Variants in CCSER1 observed in about 807,000 individuals in gnomAD.
The protein encoded by CCSER1 is serine-rich coiled-coil domain-containing protein 1.
Under a neutral mutation model 82.0 loss-of-function variants are expected in CCSER1, and 41 were observed. The observed-to-expected ratio is 0.50, with a 90% CI of 0.39 to 0.65. The LOEUF (loss-of-function observed/expected upper bound fraction) is 0.65. CCSER1 is among the 30% of genes least tolerant of loss of function. The probability of loss-of-function intolerance (pLI) is 0.00; values close to 1 mark genes in which losing one functional copy is unlikely to be tolerated. For synonymous variants in CCSER1, 414 were observed against 383.9 expected (o/e 1.08, Z -0.92); for missense variants, 1,119 against 1,064.2 (o/e 1.05, Z -0.72).
intron 10 of CCSER1, among the ~76,000 whole-genome samples, chr4:91,236,904 C>T (rs1739052564): frequency 6.6e-6 from 1 of 152,174 alleles, no homozygotes; most frequent in Non-Finnish European, 1.5e-5. Context: ...AGATAATCAG[C>T]TGTACCTTTT....
At chr4:91,350,085 C>T (rs1560604717) in intron 10 of CCSER1, among the ~76,000 whole-genome samples, 5 of 152,026 alleles carry the variant, frequency 3.3e-5, no homozygotes, top group Non-Finnish European at 7.4e-5. Context: ...TTCTTACATG[C>T]CATATTGGAA....
chr4:90,420,818 C>T (rs1446884471), intron 4 of CCSER1, among the ~76,000 whole-genome samples: 3 of 151,994 alleles, frequency 2.0e-5, no homozygotes, highest in African/African-American at 7.2e-5. Context: ...AGTCAATGGC[C>T]CAAGTTCATT....
intron 10 of CCSER1, among the ~76,000 whole-genome samples, chr4:91,513,613 G>GT (rs1759945730): frequency 6.6e-6 from 1 of 152,122 alleles, no homozygotes; most frequent in East Asian, 1.9e-4. Context: ...TGGTTGGTAG[G>GT]TTTTTTATCA....
intron 10 of CCSER1, among the ~76,000 whole-genome samples, chr4:91,223,430 G>C (rs1737909749): frequency 6.6e-6 from 1 of 152,040 alleles, no homozygotes; most frequent in Non-Finnish European, 1.5e-5. Context: ...AGGTACATAA[G>C]TATAATAAAG....
intron 9 of CCSER1, among the ~76,000 whole-genome samples, chr4:90,961,916 A>G (rs1176032511): frequency 6.6e-6 from 1 of 152,126 alleles, no homozygotes; most frequent in African/African-American, 2.4e-5. Flanking sequence ...GATGGCACCA[A>G]CAGAAAATGA....
At position 91,347,506 on chromosome 4, in the gene CCSER1, T is replaced by G. The variant is rs140701373; in HGVS notation, c.2218-251066T>G. 2.8e-3 allele frequency among the ~76,000 whole-genome samples: 423 copies of G among 152,116 alleles called. 2 individuals carry two copies. Among genetic ancestry groups the G allele is most frequent in the African/African-American group, 1.0e-2 (414 of 41,518 alleles). On this transcript the variant is annotated intron_variant, in intron 10 of 10. Transcript: ENST00000509176. Reference sequence around the variant, plus strand: ...TTATTTTTTTTTTGCATCCACAAAATGACTCACTGAGATTTCGGCTGGGAT... The same window carrying G: ...TTATTTTTTTTTTGCATCCACAAAAGGACTCACTGAGATTTCGGCTGGGAT...
chr4:91,463,916 T>C (rs4632613), intron 10 of CCSER1, among the ~76,000 whole-genome samples: 121,932 of 152,120 alleles, frequency 0.8, 49,056 homozygotes, highest in East Asian at 0.93. Flanking sequence ...TGGAACCAAG[T>C]TGGCAAACAC....
chr4:90,847,007 T>C (rs1175234657), intron 8 of CCSER1, among the ~76,000 whole-genome samples: 1 of 152,214 alleles, frequency 6.6e-6, no homozygotes, highest in East Asian at 1.9e-4. Context: ...TTCTTTACAA[T>C]GGGGTGTCTT....
At chr4:90,761,139 C>T (rs1022308281) in intron 7 of CCSER1, among the ~76,000 whole-genome samples, 10 of 152,012 alleles carry the variant, frequency 6.6e-5, no homozygotes, top group Admixed American at 1.3e-4. Flanking sequence ...GCTGAATAAA[C>T]GGTAGATGAT....
At chr4:91,402,860 A>T (rs1752431625) in intron 10 of CCSER1, among the ~76,000 whole-genome samples, 1 of 152,096 alleles carries the variant, frequency 6.6e-6, no homozygotes, top group African/African-American at 2.4e-5. Context: ...TTTGCTTAGG[A>T]TTGTCTTGGC....
chr4:91,112,117 A>T (rs1726147022), intron 10 of CCSER1, among the ~76,000 whole-genome samples: 1 of 152,094 alleles, frequency 6.6e-6, no homozygotes, highest in Non-Finnish European at 1.5e-5. Context: ...TATTGCTGAG[A>T]TATTCCTATC....
At chr4:90,193,628 C>T (rs1053060679) in intron 1 of CCSER1, among the ~76,000 whole-genome samples, 1 of 151,426 alleles carries the variant, frequency 6.6e-6, no homozygotes, top group African/African-American at 2.4e-5. Context: ...CCTTTGGATG[C>T]AAACTGAGAA....
intron 4 of CCSER1, among the ~76,000 whole-genome samples, chr4:90,458,350 C>A (rs1762446062): frequency 1.3e-5 from 2 of 151,336 alleles, no homozygotes; most frequent in African/African-American, 4.9e-5. Flanking sequence ...ATAGAGTCTG[C>A]CACAATAAGT....
chr4:91,017,704 A>G (rs944774932), intron 9 of CCSER1, among the ~76,000 whole-genome samples: 3 of 152,258 alleles, frequency 2.0e-5, no homozygotes, highest in East Asian at 1.9e-4. Context: ...GAGGGCTTCA[A>G]TGAAATAACT....
At chr4:90,483,809 T>C (rs1464332009) in intron 5 of CCSER1, among the ~76,000 whole-genome samples, 1 of 152,206 alleles carries the variant, frequency 6.6e-6, no homozygotes, top group Non-Finnish European at 1.5e-5. Context: ...CTTAACATTT[T>C]TTCCTTCATT....
At chr4:90,693,903 A>G (rs971761918) in intron 6 of CCSER1, among the ~76,000 whole-genome samples, 3 of 147,474 alleles carry the variant, frequency 2.0e-5, no homozygotes, top group African/African-American at 4.8e-5. Context: ...AGAGAAAGAA[A>G]GAAGAAAGAG....
Position 91,583,502 on chromosome 4 carries a change from A to G in CCSER1, c.2218-15070A>G, listed in dbSNP as rs112890057. On this transcript the variant is annotated intron_variant, in intron 10 of 10. Transcript: ENST00000509176. Reference sequence around the variant, plus strand: ...ATGGTGCTAATTATGATATGTTCTGAGTTAAAACAAGGTGTACTACTCTAA... The same window carrying G: ...ATGGTGCTAATTATGATATGTTCTGGGTTAAAACAAGGTGTACTACTCTAA... Among the ~76,000 whole-genome samples, 857 of 151,476 alleles carry G rather than the reference A, an allele frequency of 5.7e-3. 9 individuals carry two copies. Among genetic ancestry groups the G allele is most frequent in the African/African-American group, 0.019 (799 of 41,450 alleles).
At chr4:91,442,369 G>A (rs969182834) in intron 10 of CCSER1, among the ~76,000 whole-genome samples, 22 of 151,878 alleles carry the variant, frequency 1.4e-4, no homozygotes, top group Non-Finnish European at 2.6e-4. Flanking sequence ...CAAGCAATGG[G>A]GAAAGGATTC....
At chr4:90,420,109 A>G (rs897794562) in intron 4 of CCSER1, among the ~76,000 whole-genome samples, 6 of 152,002 alleles carry the variant, frequency 3.9e-5, no homozygotes, top group Non-Finnish European at 8.8e-5. Context: ...CTATATAATT[A>G]TCGATAATAC....
Sources: allele counts gnomAD v4.1 joint callset (sites outside exome capture counted in the v4.1 genomes callset), GRCh38; gene constraint gnomAD v4.1.1; transcripts MANE v1.5; gene names NCBI Gene and HGNC (gene_info 2026-07-23, HGNC 2026-07-21).